The following CCDC63 variants were observed in gnomAD, a reference collection of about 807,000 sequenced individuals.
The protein encoded by CCDC63 is coiled-coil domain-containing protein 63.
Under a neutral mutation model 63.6 loss-of-function variants are expected in CCDC63, and 54 were observed. That is an observed-to-expected ratio of 0.85 (90% confidence interval 0.68 to 1.07). The LOEUF (loss-of-function observed/expected upper bound fraction) is 1.07, where lower values mean the gene tolerates loss of function less well. CCDC63 is among the 50% of genes least tolerant of loss of function. CCDC63 has a pLI of 0.00. For synonymous variants in CCDC63, 253 were observed against 266.1 expected (o/e 0.95, Z 0.48); for missense variants, 637 against 689.6 (o/e 0.92, Z 0.86).
intron 2 of CCDC63, 37 bp from the exon 3 acceptor site, chr12:110,853,368 C>T: frequency 6.3e-7 from 1 of 1,586,598 alleles, no homozygotes. Context: ...AGCCACCTGG[C>T]CCACTACGGC....
At position 110,879,895 on chromosome 12, in the gene CCDC63, C is replaced by G. The variant is rs763490321; in HGVS notation, c.490-11C>G. On this transcript the variant is annotated splice_polypyrimidine_tract_variant and intron_variant, in intron 5 of 11. Coordinates refer to ENST00000308208, the MANE Select transcript of CCDC63 (RefSeq NM_152591.3). Reference sequence around the variant, plus strand: ...AATGAGACCTGTTTTGAAGCATGGCCCTTTCAACAGGTCACTGTTCACTTT... The same window carrying G: ...AATGAGACCTGTTTTGAAGCATGGCGCTTTCAACAGGTCACTGTTCACTTT... The G allele has an allele frequency of 1.5e-5, 24 of 1,613,604 alleles. No individual in the cohort carries two copies. The highest frequency in any genetic ancestry group is 1.6e-4 in the Middle Eastern group (1 of 6,080).
chr12:110,870,151 C>T (rs1416739143), intron 4 of CCDC63, among the ~76,000 whole-genome samples: 5 of 152,114 alleles, frequency 3.3e-5, no homozygotes, highest in Non-Finnish European at 7.4e-5. Context: ...GGCATGATCT[C>T]GGCTCACTGC....
chr12:110,863,410 T>C (rs547713162), intron 4 of CCDC63, among the ~76,000 whole-genome samples: 1 of 152,292 alleles, frequency 6.6e-6, no homozygotes, highest in Admixed American at 6.5e-5. Context: ...TCGCATGATG[T>C]ACCAGTGAGG....
At position 110,881,175 on chromosome 12, in the gene CCDC63, G is replaced by A. The variant is rs1037064850; in HGVS notation, c.732G>A (p.Gln244=). 1.2e-6 allele frequency: 2 copies of A among 1,613,464 alleles called. No homozygotes were observed. The highest frequency in any genetic ancestry group is 2.2e-5 in the East Asian group (1 of 44,860). Residue 244 remains glutamine, a synonymous_variant, in exon 7 of 12, where the codon CAG becomes CAA. Transcript: ENST00000308208. ...ACCGCCAGAAGAAGGACACCTCTCAGTACAACCTGGAGATCCGAGAGCTGG... is the reference window on the plus strand; with the variant it reads ...ACCGCCAGAAGAAGGACACCTCTCAATACAACCTGGAGATCCGAGAGCTGG... The part of the protein sequence containing the change: ...MKDRQKKDTS[Q]YNLEIRELER...
At chr12:110,896,639 C>T (rs2071418909) in intron 9 of CCDC63, among the ~76,000 whole-genome samples, 1 of 152,158 alleles carries the variant, frequency 6.6e-6, no homozygotes, top group African/African-American at 2.4e-5. Context: ...GAAGGAAATA[C>T]CCTAGAACAG....
At chr12:110,870,283 T>C (rs2071047877) in intron 4 of CCDC63, among the ~76,000 whole-genome samples, 1 of 152,186 alleles carries the variant, frequency 6.6e-6, no homozygotes, top group African/African-American at 2.4e-5. Flanking sequence ...GGTTTCACCA[T>C]GTTGGCCAGG....
chr12:110,898,836 A>G lies in CCDC63; in HGVS notation c.1150-97A>G, dbSNP rs1226783461. On this transcript the variant is annotated intron_variant, in intron 9 of 11. Transcript: ENST00000308208. ...GATCTCGTGTCCCCTCAGAGGTTTG[A>G]AAACCCGCAGTTTGGAGACCCTGAC... The G allele has an allele frequency of 3.3e-6, 3 of 908,548 alleles. No homozygotes were observed. The Admixed American group carries it at 8.4e-5, about 25-fold the overall frequency. 56.3% of individuals were successfully genotyped at this position (908,548 alleles called of 1,614,324 possible). A position where few individuals can be genotyped will look rare whatever the true frequency, so the allele number is the denominator to read the frequency against.
intron 4 of CCDC63, among the ~76,000 whole-genome samples, chr12:110,867,267 A>T (rs1221562040): frequency 5.0e-4 from 34 of 67,422 alleles, no homozygotes; most frequent in East Asian, 1.1e-3. Context: ...CTGGCCGGGC[A>T]GAGGGGCTCC....
chr12:110,884,285 C>T, intron 8 of CCDC63, 35 bp downstream of exon 8: 1 of 1,549,072 alleles, frequency 6.5e-7, no homozygotes, highest in Non-Finnish European at 8.9e-7. Context: ...GCCCTGGGCC[C>T]CTGTGTCCAC....
intron 1 of CCDC63, among the ~76,000 whole-genome samples, chr12:110,850,919 G>T (rs570440888): frequency 2.0e-5 from 3 of 151,932 alleles, no homozygotes; most frequent in Admixed American, 6.6e-5. Context: ...CCCAGAATAC[G>T]CCCCCAACCT....
chr12:110,884,131 C>T lies in CCDC63; in HGVS notation c.955C>T (p.Leu319=), dbSNP rs1278783190. 4.3e-6 allele frequency: 7 copies of T among 1,614,102 alleles called. No individual in the cohort carries two copies. The highest frequency in any genetic ancestry group is 3.3e-5 in the Admixed American group (2 of 60,006). The change falls in exon 8 of 12, where the codon CTA becomes TTA. Residue 319 remains leucine (L), a synonymous_variant. Coordinates refer to ENST00000308208, the MANE Select transcript of CCDC63 (RefSeq NM_152591.3). Reference sequence around the variant, plus strand: ...GCTGAAGCTGGCTGAGAGTGGGAACCTAAACCAGCTCATTGAAGATTTTCT... The same window carrying T: ...GCTGAAGCTGGCTGAGAGTGGGAACTTAAACCAGCTCATTGAAGATTTTCT... The part of the protein sequence containing the change: ...RLLKLAESGN[L]NQLIEDFLAK...
At position 110,884,106 on chromosome 12, in the gene CCDC63, G is replaced by T; in HGVS notation, c.930G>T (p.Leu310=). ...FESYEVAHLR[L]LKLAESGNLN... ...GCTATGAGGTGGCCCACCTCCGGCT[G>T]CTGAAGCTGGCTGAGAGTGGGAACC... The change falls in exon 8 of 12, where the codon CTG becomes CTT. Residue 310 remains leucine (L), a synonymous_variant. Coordinates refer to ENST00000308208, the MANE Select transcript of CCDC63 (RefSeq NM_152591.3). 1 of 1,614,184 alleles carries T rather than the reference G, an allele frequency of 6.2e-7. No individual in the cohort carries two copies. Among genetic ancestry groups the T allele is most frequent in the East Asian group, 2.2e-5 (1 of 44,882 alleles).
At chr12:110,870,245 C>A (rs922579315) in intron 4 of CCDC63, among the ~76,000 whole-genome samples, 2 of 152,118 alleles carry the variant, frequency 1.3e-5, no homozygotes, top group African/African-American at 4.8e-5. Context: ...CCATGCCTGG[C>A]TAATTTTTGT....
chr12:110,878,945 A>T (rs1349396769), intron 5 of CCDC63, among the ~76,000 whole-genome samples: 2 of 152,254 alleles, frequency 1.3e-5, no homozygotes, highest in Non-Finnish European at 2.9e-5. Context: ...TAGAGGGAAT[A>T]AAATAATGAG....
At position 110,893,109 on chromosome 12, in the gene CCDC63, T is replaced by C; in HGVS notation, c.1108T>C (p.Leu370=). Residue 370 remains leucine, a synonymous_variant, in exon 9 of 12, where the codon TTG becomes CTG. Coordinates refer to ENST00000308208, the MANE Select transcript of CCDC63 (RefSeq NM_152591.3). The stretch of plus-strand genomic sequence containing the variant: ...CATCCTCTTGCGATCCCAGCAGAAA[T>C]TGTCCCACGATGACAACCACTCTGT... ...EIILLRSQQK[L]SHDDNHSVLR... 6.2e-7 allele frequency: 1 copy of C among 1,614,030 alleles called. No homozygotes were observed. The highest frequency in any genetic ancestry group is 8.5e-7 in the Non-Finnish European group (1 of 1,179,980).
At chr12:110,877,991 G>A (rs866166272) in intron 5 of CCDC63, among the ~76,000 whole-genome samples, 2 of 152,094 alleles carry the variant, frequency 1.3e-5, no homozygotes, top group Non-Finnish European at 2.9e-5. Context: ...ACAGGCATGA[G>A]CCACTGCGCC....
intron 3 of CCDC63, among the ~76,000 whole-genome samples, chr12:110,856,670 G>T (rs188618517): frequency 7.9e-6 from 1 of 126,138 alleles, no homozygotes; most frequent in South Asian, 2.6e-4. Flanking sequence ...GCCCCTCAGA[G>T]AACATTTTCA....
chr12:110,876,168 C>T (rs997808530), intron 5 of CCDC63, among the ~76,000 whole-genome samples: 9 of 151,370 alleles, frequency 5.9e-5, no homozygotes, highest in Non-Finnish European at 1.0e-4. Context: ...TCTCAGAGTA[C>T]CCCATGGTCC....
chr12:110,900,803 T>G (rs576386062), intron 10 of CCDC63, among the ~76,000 whole-genome samples: 5 of 152,168 alleles, frequency 3.3e-5, no homozygotes, highest in Admixed American at 3.3e-4. Context: ...TTTCACCATG[T>G]TGGCCAGGAT....
Sources: gnomAD v4.1 joint callset for allele counts (sites outside exome capture counted in the v4.1 genomes callset) on GRCh38, gnomAD v4.1.1 for gene constraint, MANE v1.5 for transcripts, NCBI Gene and HGNC (gene_info 2026-07-23, HGNC 2026-07-21) for gene names.